NRXN3: variants seen among roughly 807,000 people sequenced by gnomAD.
NRXN3 encodes neurexin III.
NRXN3 carries 32 observed loss-of-function variants against 137.6 expected under a neutral mutation model. That is an observed-to-expected ratio of 0.23 (90% CI 0.18 to 0.31). The LOEUF (loss-of-function observed/expected upper bound fraction) is 0.31, where lower values mean the gene tolerates loss of function less well. NRXN3 is among the 10% of genes least tolerant of loss of function. NRXN3 has a pLI of 1.00. For synonymous variants in NRXN3, 798 were observed against 784.5 expected, an observed-to-expected ratio of 1.02 and a Z score of -0.29; for missense variants, 1,574 against 2,062.5, an observed-to-expected ratio of 0.76 and a Z score of 4.59.
chr14:78,464,006 T>G (rs979548582), intron 4 of NRXN3, among the ~76,000 whole-genome samples: 10 of 151,822 alleles, frequency 6.6e-5, no homozygotes, highest in Admixed American at 5.3e-4. Flanking sequence ...TATTTATATA[T>G]TTTTTAAACT....
At chr14:78,768,616 T>A (rs1180380801) in intron 8 of NRXN3, among the ~76,000 whole-genome samples, 1 of 152,188 alleles carries the variant, frequency 6.6e-6, no homozygotes, top group Non-Finnish European at 1.5e-5. Context: ...CATAAGTAGA[T>A]AAAAATATGT....
intron 15 of NRXN3, among the ~76,000 whole-genome samples, chr14:79,095,956 C>A (rs1344882708): frequency 6.6e-6 from 1 of 152,048 alleles, no homozygotes; most frequent in African/African-American, 2.4e-5. Flanking sequence ...ATGCTGGATG[C>A]TAGATTCTAG....
chr14:79,792,190 GA>G (rs527645579), intron 19 of NRXN3, among the ~76,000 whole-genome samples: 3 of 150,316 alleles, frequency 2.0e-5, no homozygotes, highest in South Asian at 2.1e-4. Flanking sequence ...TCTCAAAACA[GA>G]AAAAAAAAGC....
At chr14:79,743,053 T>C (rs1443247388) in intron 19 of NRXN3, among the ~76,000 whole-genome samples, 1 of 152,136 alleles carries the variant, frequency 6.6e-6, no homozygotes, top group Non-Finnish European at 1.5e-5. Context: ...GTTGGAGATA[T>C]GAGATAATGT....
At chr14:78,533,043 T>C (rs1395001503) in intron 4 of NRXN3, among the ~76,000 whole-genome samples, 1 of 151,948 alleles carries the variant, frequency 6.6e-6, no homozygotes, top group African/African-American at 2.4e-5. Flanking sequence ...TTGTTGTTTC[T>C]TACTATGCCA....
At chr14:78,410,326 C>T (rs1427852783) in intron 4 of NRXN3, among the ~76,000 whole-genome samples, 1 of 152,202 alleles carries the variant, frequency 6.6e-6, no homozygotes. Flanking sequence ...TGTTAGATGG[C>T]GTGGTCCCTC....
chr14:79,524,227 GA>G (rs1227784023), intron 16 of NRXN3, among the ~76,000 whole-genome samples: 5 of 152,206 alleles, frequency 3.3e-5, no homozygotes, highest in Non-Finnish European at 5.9e-5. Context: ...GAAGGAACTA[GA>G]GGGGGGATAA....
At chr14:78,443,655 A>T (rs1170743717) in intron 4 of NRXN3, among the ~76,000 whole-genome samples, 1 of 152,208 alleles carries the variant, frequency 6.6e-6, no homozygotes, top group Non-Finnish European at 1.5e-5. Context: ...CAACTCTGCT[A>T]CTTAATATCC....
At chr14:78,778,678 TTTTCTTTCTTTCTTTCTTTCTTTCTTTC>T in intron 8 of NRXN3, among the ~76,000 whole-genome samples, 1 of 114,524 alleles carries the variant, frequency 8.7e-6, no homozygotes, top group South Asian at 2.9e-4. Flanking sequence ...TTCTCTTTTC[TTTTCTTTCTTTCTTTCTTTCTTTCTTTC>T]TTTCTTTCTT....
chr14:78,827,289 A>T (rs1310641632), intron 10 of NRXN3, among the ~76,000 whole-genome samples: 3 of 151,540 alleles, frequency 2.0e-5, no homozygotes, highest in Non-Finnish European at 2.9e-5. Context: ...AAAAAAATAC[A>T]AAAGAACATT....
At chr14:79,858,315 A>C (rs1034369341) in intron 20 of NRXN3, among the ~76,000 whole-genome samples, 1 of 152,170 alleles carries the variant, frequency 6.6e-6, no homozygotes, top group Admixed American at 6.5e-5. Flanking sequence ...AACCGAAAAA[A>C]CAAAAAGGCA....
intron 15 of NRXN3, among the ~76,000 whole-genome samples, chr14:79,425,365 A>G (rs1375808023): frequency 6.6e-6 from 1 of 152,152 alleles, no homozygotes; most frequent in African/African-American, 2.4e-5. Context: ...TTATTTATGT[A>G]CCTTTTTTAC....
chr14:78,645,083 C>T, intron 4 of NRXN3, 37 bp from the exon 5 acceptor site: 7 of 1,499,522 alleles, frequency 4.7e-6, no homozygotes, highest in Non-Finnish European at 6.2e-6. Flanking sequence ...TCTTGCCAGA[C>T]AAGTGCTGAT....
intron 15 of NRXN3, among the ~76,000 whole-genome samples, chr14:79,407,178 T>G (rs1445115653): frequency 2.0e-5 from 3 of 152,168 alleles, no homozygotes; most frequent in Non-Finnish European, 4.4e-5. Context: ...AAAAAAAGGT[T>G]TTAAAATTTT....
At chr14:79,387,484 AAC>A in intron 15 of NRXN3, among the ~76,000 whole-genome samples, 1 of 152,102 alleles carries the variant, frequency 6.6e-6, no homozygotes, top group Non-Finnish European at 1.5e-5. Context: ...GAGAAATAGG[AAC>A]ACTTTTACAC....
chr14:79,562,214 C>T (rs1039441538), intron 16 of NRXN3, among the ~76,000 whole-genome samples: 2 of 152,074 alleles, frequency 1.3e-5, no homozygotes, highest in Non-Finnish European at 2.9e-5. Flanking sequence ...GACATAAAAC[C>T]CAGGTATCCT....
At chr14:79,573,360 G>T (rs930204578) in intron 16 of NRXN3, among the ~76,000 whole-genome samples, 18 of 152,164 alleles carry the variant, frequency 1.2e-4, no homozygotes, top group Admixed American at 4.6e-4. Context: ...GAGGTGGGGG[G>T]ACGGGAGAGT....
At chr14:79,548,165 C>T (rs568429800) in intron 16 of NRXN3, among the ~76,000 whole-genome samples, 1 of 152,108 alleles carries the variant, frequency 6.6e-6, no homozygotes, top group East Asian at 1.9e-4. Flanking sequence ...TTAGGTATTT[C>T]TCCTAATACT....
At chr14:78,926,943 T>C (rs1277367609) in intron 10 of NRXN3, among the ~76,000 whole-genome samples, 1 of 41,146 alleles carries the variant, frequency 2.4e-5, no homozygotes, top group Non-Finnish European at 3.6e-5. Flanking sequence ...TTTATATATA[T>C]ATATAATATA....
Sources: gnomAD v4.1 joint callset for allele counts (sites outside exome capture counted in the v4.1 genomes callset) on GRCh38, gnomAD v4.1.1 for gene constraint, MANE v1.5 for transcripts, NCBI Gene and HGNC (gene_info 2026-07-23, HGNC 2026-07-21) for gene names.